Variants in UAP1 observed in about 807,000 individuals in gnomAD.
UAP1 encodes the protein UDP-N-acetylhexosamine pyrophosphorylase.
UAP1 carries 25 observed loss-of-function variants against 58.5 expected under a neutral mutation model. The observed-to-expected ratio is 0.43, with a 90% CI of 0.31 to 0.60. The LOEUF is 0.60. UAP1 is among the 20% of genes least tolerant of loss of function. The pLI, the probability that UAP1 is intolerant of heterozygous loss-of-function variation, is 0.11. For missense variants in UAP1, 575 were observed against 630.0 expected (o/e 0.91, Z 0.93); for synonymous variants, 208 against 213.0 (o/e 0.98, Z 0.21).
At chr1:162,574,947 A>C (rs1654083304) in intron 2 of UAP1, among the ~76,000 whole-genome samples, 1 of 152,260 alleles carries the variant, frequency 6.6e-6, no homozygotes. Flanking sequence ...TTATTGCTGA[A>C]TATTCAACTG....
At chr1:162,572,818 A>G (rs1307305136) in intron 2 of UAP1, among the ~76,000 whole-genome samples, 1 of 152,220 alleles carries the variant, frequency 6.6e-6, no homozygotes, top group East Asian at 1.9e-4. Flanking sequence ...TAATGTGATT[A>G]TAGGGTGCTG....
chr1:162,573,920 T>C (rs1654016415), intron 2 of UAP1, among the ~76,000 whole-genome samples: 4 of 151,288 alleles, frequency 2.6e-5, no homozygotes, highest in African/African-American at 9.7e-5. Context: ...GCCAAGGTTG[T>C]GCCACTGCAC....
chr1:162,576,458 G>T (rs1654183312), intron 2 of UAP1, among the ~76,000 whole-genome samples: 2 of 152,044 alleles, frequency 1.3e-5, no homozygotes, highest in Admixed American at 1.3e-4. Flanking sequence ...AAATTTAATT[G>T]TTTTAATAAT....
At position 162,566,289 on chromosome 1, in the gene UAP1, G is replaced by T. The variant is rs770874357; in HGVS notation, c.221G>T (p.Arg74Leu). The change falls in exon 2 of 11, where the codon CGA becomes CTA. Residue 74 changes from arginine to leucine, a missense_variant. By Grantham distance (102) the Arg-to-Leu change is moderately radical. Transcript: ENST00000271469. ...GATGCACGAATGGAACCTGTGCCTC[G>T]AGAGGTATTAGGCAGTGCTACAAGG... The T allele has an allele frequency of 5.6e-5, 90 of 1,613,982 alleles. No individual in the cohort carries two copies. The highest frequency in any genetic ancestry group is 7.1e-5 in the Non-Finnish European group (84 of 1,180,020).
chr1:162,571,087 GCTTT>G (rs1050411812), intron 2 of UAP1, among the ~76,000 whole-genome samples: 4 of 150,238 alleles, frequency 2.7e-5, no homozygotes, highest in East Asian at 3.9e-4. Flanking sequence ...TGTCAGTCTG[GCTTT>G]CTTTTTTTTT....
At chr1:162,596,338 G>T (rs1044067133) in intron 9 of UAP1, among the ~76,000 whole-genome samples, 2 of 150,486 alleles carry the variant, frequency 1.3e-5, no homozygotes, top group Non-Finnish European at 3.0e-5. Flanking sequence ...ACCACACCCG[G>T]CTAATTTTGT....
chr1:162,570,246 A>G (rs1477693342), intron 2 of UAP1, among the ~76,000 whole-genome samples: 1 of 152,202 alleles, frequency 6.6e-6, no homozygotes, highest in Non-Finnish European at 1.5e-5. Flanking sequence ...ATACAGAGAT[A>G]CTCACTAGTA....
chr1:162,598,393 G>A (rs969202466), intron 10 of UAP1, among the ~76,000 whole-genome samples: 1 of 152,246 alleles, frequency 6.6e-6, no homozygotes, highest in South Asian at 2.1e-4. Flanking sequence ...TTGAGAATTC[G>A]TGTTATGGCT....
At chr1:162,592,983 G>A in intron 9 of UAP1, 1 of 570,464 alleles carries the variant, frequency 1.8e-6, no homozygotes, top group Non-Finnish European at 3.2e-6. Context: ...TGCTGGAAAT[G>A]GAGAGCATGC....
chr1:162,568,093 C>T (rs376169880), intron 2 of UAP1, among the ~76,000 whole-genome samples: 92 of 152,246 alleles, frequency 6.0e-4, no homozygotes, highest in African/African-American at 2.0e-3. Flanking sequence ...CCACCGTGCC[C>T]GGGCAGATTG....
intron 5 of UAP1, among the ~76,000 whole-genome samples, chr1:162,583,200 C>T (rs533299825): frequency 8.6e-5 from 12 of 139,602 alleles, no homozygotes; most frequent in Admixed American, 1.5e-4. Context: ...TCGCCTGGGC[C>T]GGAGTGCAGT....
At chr1:162,580,878 A>G (rs1654544123) in intron 4 of UAP1, among the ~76,000 whole-genome samples, 1 of 152,216 alleles carries the variant, frequency 6.6e-6, no homozygotes, top group African/African-American at 2.4e-5. Context: ...CGTATTTTTG[A>G]GATGGGTGAA....
intron 7 of UAP1, among the ~76,000 whole-genome samples, chr1:162,589,353 A>G (rs1008018327): frequency 4.8e-5 from 7 of 145,320 alleles, no homozygotes; most frequent in East Asian, 2.0e-4. Flanking sequence ...GGGTCTTGCT[A>G]TGTTGAGCAG....
intron 9 of UAP1, chr1:162,597,591 A>G (rs1450317044): frequency 1.9e-6 from 1 of 525,616 alleles, no homozygotes; most frequent in Non-Finnish European, 3.4e-6. Context: ...ACTTGCCCCA[A>G]ATAGTGTCCT....
intron 7 of UAP1, among the ~76,000 whole-genome samples, chr1:162,589,988 A>C (rs1229218353): frequency 6.6e-6 from 1 of 151,800 alleles, no homozygotes; most frequent in African/African-American, 2.4e-5. Context: ...TAAATAAATA[A>C]AATGAAATTA....
At position 162,577,129 on chromosome 1, in the gene UAP1, G is replaced by A. The variant is rs1049005468; in HGVS notation, c.485+148G>A. ...ATAATTTACTATATATGTTAAAAGT[G>A]CTATATATTATTGCTTGATAGATGA... is the stretch of plus-strand genomic sequence containing the variant. On this transcript the variant is annotated intron_variant, in intron 3 of 10. Coordinates refer to ENST00000271469, the Ensembl canonical transcript of UAP1. 42 of 817,908 alleles carry A rather than the reference G, an allele frequency of 5.1e-5. 2 individuals carry two copies. Among genetic ancestry groups the A allele is most frequent in the South Asian group, 5.0e-4 (27 of 54,256 alleles). 50.7% of individuals were successfully genotyped at this position (817,908 alleles called of 1,614,324 possible).
chr1:162,596,414 A>T (rs1381875251), intron 9 of UAP1, among the ~76,000 whole-genome samples: 1 of 152,128 alleles, frequency 6.6e-6, no homozygotes, highest in East Asian at 1.9e-4. Context: ...ACCTCAGGTG[A>T]TCCACCCACC....
At chr1:162,588,637 T>G (rs1357689740) in intron 6 of UAP1, 56 bp from the exon 7 acceptor site, 1 of 1,562,180 alleles carries the variant, frequency 6.4e-7, no homozygotes, top group African/African-American at 1.4e-5. Flanking sequence ...GTTGTAAGAT[T>G]TTCTGGCATT....
intron 2 of UAP1, among the ~76,000 whole-genome samples, chr1:162,571,569 G>T (rs1653868300): frequency 6.6e-6 from 1 of 152,164 alleles, no homozygotes; most frequent in African/African-American, 2.4e-5. Context: ...TATTTCTGCA[G>T]AGGTAGCTTT....
Sources: gnomAD v4.1 joint callset for allele counts (sites outside exome capture counted in the v4.1 genomes callset) on GRCh38, gnomAD v4.1.1 for gene constraint, MANE v1.5 for transcripts, NCBI Gene and HGNC (gene_info 2026-07-23, HGNC 2026-07-21) for gene names.